POU6F2: variants seen among roughly 807,000 people sequenced by gnomAD.
POU6F2 encodes the protein POU class 6 homeobox 2.
A neutral mutation model predicts 71.3 loss-of-function variants in POU6F2; 31 were observed. The ratio of observed to expected loss-of-function variants is 0.43; its 90% CI spans 0.33 to 0.59. The LOEUF is 0.59. Ranked by LOEUF, POU6F2 falls within the 20% of genes least tolerant of loss-of-function variation. The pLI is 0.04. For synonymous variants in POU6F2, 347 were observed against 355.7 expected, an observed-to-expected ratio of 0.98 and a Z score of 0.27; for missense variants, 783 against 856.8, an observed-to-expected ratio of 0.91 and a Z score of 1.07.
intron 2 of POU6F2, among the ~76,000 whole-genome samples, chr7:39,136,015 A>G (rs146472631): frequency 1.3e-3 from 199 of 152,346 alleles, no homozygotes; most frequent in African/African-American, 4.6e-3. Flanking sequence ...AGTAGCAACT[A>G]CAACTATGAA....
At chr7:39,043,014 G>A (rs1038876582) in intron 1 of POU6F2, among the ~76,000 whole-genome samples, 1 of 151,968 alleles carries the variant, frequency 6.6e-6, no homozygotes, top group Non-Finnish European at 1.5e-5. Context: ...AAGTGATTCT[G>A]GAGTGTGTGT....
intron 5 of POU6F2, among the ~76,000 whole-genome samples, chr7:39,373,129 T>C (rs1786645833): frequency 6.6e-6 from 1 of 152,146 alleles, no homozygotes; most frequent in African/African-American, 2.4e-5. Context: ...CGTCATAGAT[T>C]TGCTATCAAT....
chr7:39,151,000 A>G (rs1393659121), intron 2 of POU6F2, among the ~76,000 whole-genome samples: 1 of 152,124 alleles, frequency 6.6e-6, no homozygotes, highest in Non-Finnish European at 1.5e-5. Flanking sequence ...TTCTTCTGAT[A>G]ATGCAATTTA....
chr7:39,119,148 C>T lies in POU6F2; in HGVS notation c.277+33117C>T, dbSNP rs952791468. Among the ~76,000 whole-genome samples the T allele has an allele frequency of 4.6e-5, 7 of 152,230 alleles. No individual in the cohort carries two copies. The East Asian group carries it at 9.7e-4, about 21-fold the overall frequency. On this transcript the variant is annotated intron_variant, in intron 2 of 9. Transcript: ENST00000518318. ...ACCCAGGAAAGAGGTGGAGGGAATT[C>T]CCAGCCACACAGGGGAGGCAAGGTC...
chr7:39,034,119 A>G (rs1310191598), intron 1 of POU6F2, among the ~76,000 whole-genome samples: 1 of 152,218 alleles, frequency 6.6e-6, no homozygotes, highest in Non-Finnish European at 1.5e-5. Context: ...ATCATAATGA[A>G]GGTGATTTAT....
chr7:39,242,073 C>T (rs1425320058), intron 4 of POU6F2, among the ~76,000 whole-genome samples: 1 of 152,166 alleles, frequency 6.6e-6, no homozygotes, highest in Non-Finnish European at 1.5e-5. Flanking sequence ...TAAGGTTTCA[C>T]TGTGTGGATA....
chr7:38,999,898 C>CAA (rs1225882325), intron 1 of POU6F2, among the ~76,000 whole-genome samples: 1 of 152,128 alleles, frequency 6.6e-6, no homozygotes, highest in Non-Finnish European at 1.5e-5. Flanking sequence ...CACGATGGCA[C>CAA]AGAACAAATA....
chr7:39,380,423 A>G (rs1786803617), intron 5 of POU6F2, among the ~76,000 whole-genome samples: 1 of 152,202 alleles, frequency 6.6e-6, no homozygotes, highest in South Asian at 2.1e-4. Flanking sequence ...TATAAAAATC[A>G]TCCTTTGCAG....
intron 1 of POU6F2, among the ~76,000 whole-genome samples, chr7:39,015,545 CTA>C (rs1215788681): frequency 5.1e-5 from 3 of 58,924 alleles, no homozygotes; most frequent in Non-Finnish European, 1.0e-4. Flanking sequence ...ATAGATATAT[CTA>C]TGTTTTATAT....
At chr7:39,343,410 T>TAAA (rs58511899) in intron 5 of POU6F2, among the ~76,000 whole-genome samples, 27 of 133,274 alleles carry the variant, frequency 2.0e-4, no homozygotes, top group Non-Finnish European at 2.4e-4. Context: ...ATGATCTAGG[T>TAAA]AAAAAAAAAA....
chr7:39,283,228 C>T (rs977290039), intron 4 of POU6F2, among the ~76,000 whole-genome samples: 14 of 152,182 alleles, frequency 9.2e-5, no homozygotes, highest in East Asian at 7.7e-4. Flanking sequence ...TCCATAAATA[C>T]GGACAATTTA....
chr7:39,426,502 A>G (rs1787975355), intron 6 of POU6F2, among the ~76,000 whole-genome samples: 1 of 152,098 alleles, frequency 6.6e-6, no homozygotes, highest in Admixed American at 6.5e-5. Context: ...TACTCCTGCT[A>G]TCATGGGAGA....
chr7:39,456,647 C>T (rs567662613), intron 8 of POU6F2, among the ~76,000 whole-genome samples: 4 of 152,242 alleles, frequency 2.6e-5, no homozygotes, highest in African/African-American at 7.2e-5. Flanking sequence ...AGTCTCAGAA[C>T]CCATGGAGCA....
At position 39,050,242 on chromosome 7, in the gene POU6F2, G is replaced by A. The variant is rs79886972; in HGVS notation, c.106-35618G>A. 6.8e-3 allele frequency among the ~76,000 whole-genome samples: 1,038 copies of A among 151,964 alleles called. 12 individuals are homozygous for A. Among genetic ancestry groups the A allele is most frequent in the African/African-American group, 0.023 (934 of 41,462 alleles). ...TTAAGGCTGACTTCTTAGGAGTCCT[G>A]TTTCTGCATAACCTAATGGTCAGCC... is the stretch of plus-strand genomic sequence containing the variant. On this transcript the variant is annotated intron_variant, in intron 1 of 9. Coordinates refer to ENST00000518318, the MANE Select transcript of POU6F2 (RefSeq NM_001370959.1).
intron 1 of POU6F2, among the ~76,000 whole-genome samples, chr7:39,072,269 G>A (rs1790899286): frequency 6.6e-6 from 1 of 152,176 alleles, no homozygotes; most frequent in African/African-American, 2.4e-5. Context: ...CAGCCGTGGA[G>A]GATCAAGCTT....
chr7:39,285,267 A>C (rs1031955381), intron 4 of POU6F2, among the ~76,000 whole-genome samples: 3 of 151,932 alleles, frequency 2.0e-5, no homozygotes, highest in Admixed American at 2.0e-4. Context: ...CCCACTGAAA[A>C]CTCTGATGCC....
At chr7:39,399,018 G>A (rs1249961100) in intron 5 of POU6F2, among the ~76,000 whole-genome samples, 3 of 152,080 alleles carry the variant, frequency 2.0e-5, no homozygotes, top group Admixed American at 6.6e-5. Flanking sequence ...GTTCTTAATC[G>A]TTTCACTGTG....
chr7:39,109,244 C>T (rs889551025), intron 2 of POU6F2, among the ~76,000 whole-genome samples: 3 of 152,080 alleles, frequency 2.0e-5, no homozygotes, highest in Admixed American at 6.6e-5. Context: ...CTATGTTGCC[C>T]GGGCTGGTCT....
chr7:39,180,053 G>T (rs1015285488), intron 2 of POU6F2, among the ~76,000 whole-genome samples: 1 of 152,200 alleles, frequency 6.6e-6, no homozygotes, highest in Non-Finnish European at 1.5e-5. Flanking sequence ...GGGGACATTT[G>T]ACTGGGAGTG....
Sources: gnomAD v4.1 joint callset for allele counts (sites outside exome capture counted in the v4.1 genomes callset) on GRCh38, gnomAD v4.1.1 for gene constraint, MANE v1.5 for transcripts, NCBI Gene and HGNC (gene_info 2026-07-23, HGNC 2026-07-21) for gene names.